NKAIN3: variants seen among roughly 807,000 people sequenced by gnomAD.
NKAIN3 encodes sodium/potassium-transporting ATPase subunit beta-1-interacting protein 3.
NKAIN3 carries 25 observed loss-of-function variants against 30.2 expected under a neutral mutation model. The observed-to-expected ratio is 0.83, with a 90% CI of 0.60 to 1.16. The LOEUF (loss-of-function observed/expected upper bound fraction) is 1.16. NKAIN3 is among the 50% of genes most tolerant of loss of function. NKAIN3 has a pLI of 0.00. For missense variants in NKAIN3, 225 were observed against 254.1 expected (o/e 0.89, Z 0.78); for synonymous variants, 91 against 89.6 (o/e 1.02, Z -0.09).
intron 1 of NKAIN3, among the ~76,000 whole-genome samples, chr8:62,445,245 T>A (rs1805449209): frequency 6.6e-6 from 1 of 151,606 alleles, no homozygotes; most frequent in South Asian, 2.1e-4. Flanking sequence ...CGCCCAACCT[T>A]GACTTGCATT....
At chr8:62,283,141 A>G (rs1416777090) in intron 1 of NKAIN3, among the ~76,000 whole-genome samples, 1 of 152,230 alleles carries the variant, frequency 6.6e-6, no homozygotes, top group Non-Finnish European at 1.5e-5. Context: ...TATGGAAGAC[A>G]GGGAAGACTA....
At chr8:62,517,928 A>ATC (rs113005270) in intron 1 of NKAIN3, among the ~76,000 whole-genome samples, 15,589 of 151,964 alleles carry the variant, frequency 0.1, 2,517 homozygotes, top group African/African-American at 0.35. Flanking sequence ...ATCTGTATCT[A>ATC]TATATATATA....
At chr8:62,626,365 C>T (rs1250578484) in intron 3 of NKAIN3, among the ~76,000 whole-genome samples, 3 of 152,090 alleles carry the variant, frequency 2.0e-5, no homozygotes, top group African/African-American at 7.2e-5. Context: ...GAATTCAGAT[C>T]AGTGAAGAAT....
intron 5 of NKAIN3, among the ~76,000 whole-genome samples, chr8:62,927,176 C>T (rs1822475540): frequency 6.6e-6 from 1 of 151,964 alleles, no homozygotes; most frequent in Admixed American, 6.6e-5. Flanking sequence ...CACTCCCTTC[C>T]TCACCCCCCT....
At chr8:62,297,040 C>G (rs911996435) in intron 1 of NKAIN3, among the ~76,000 whole-genome samples, 1 of 152,146 alleles carries the variant, frequency 6.6e-6, no homozygotes, top group African/African-American at 2.4e-5. Flanking sequence ...TTGCTTTTCT[C>G]TGCCACCATG....
Position 62,444,350 on chromosome 8 carries a change from CCTAA to C in NKAIN3, c.55-135186_55-135183del, listed in dbSNP as rs535393693. On this transcript the variant is annotated intron_variant, in intron 1 of 6. Coordinates refer to ENST00000623646, the MANE Select transcript of NKAIN3 (RefSeq NM_001304533.3). ...TGAACACTAGACCTTATTTCTTCTT[CCTAA>C]CTGTGTATTTGTACCCACTAATCAA... Among the ~76,000 whole-genome samples, 19 of 152,214 alleles carry C rather than the reference CCTAA, an allele frequency of 1.2e-4. No homozygotes were observed. In the South Asian group the frequency reaches 2.1e-3, roughly 17 times the overall value.
chr8:62,372,186 C>T (rs1034280054), intron 1 of NKAIN3, among the ~76,000 whole-genome samples: 2 of 151,182 alleles, frequency 1.3e-5, no homozygotes, highest in African/African-American at 4.9e-5. Flanking sequence ...AATCTTTTGC[C>T]TTTATGTATA....
intron 1 of NKAIN3, chr8:62,473,179 G>A (rs1806409647): frequency 6.6e-6 from 1 of 152,190 alleles, no homozygotes; most frequent in Non-Finnish European, 1.5e-5. Context: ...TGTCAGAGCA[G>A]CTAATTAGCT....
chr8:62,838,635 A>T (rs1248402173), intron 4 of NKAIN3, among the ~76,000 whole-genome samples: 2 of 151,920 alleles, frequency 1.3e-5, no homozygotes, highest in East Asian at 3.9e-4. Flanking sequence ...GGACTTATTG[A>T]CTCCATATAC....
At chr8:62,250,845 G>A (rs1812078612) in intron 1 of NKAIN3, among the ~76,000 whole-genome samples, 1 of 151,918 alleles carries the variant, frequency 6.6e-6, no homozygotes, top group Admixed American at 6.6e-5. Context: ...AGTCTTCCTT[G>A]GTGCTCCAGG....
chr8:62,578,555 A>G (rs573941832), intron 1 of NKAIN3, among the ~76,000 whole-genome samples: 2 of 152,248 alleles, frequency 1.3e-5, no homozygotes, highest in South Asian at 4.1e-4. Flanking sequence ...GTGGTTAGTC[A>G]TTATCACCAC....
intron 1 of NKAIN3, among the ~76,000 whole-genome samples, chr8:62,439,779 T>C (rs965949949): frequency 6.6e-6 from 1 of 152,244 alleles, no homozygotes; most frequent in African/African-American, 2.4e-5. Context: ...GAACATGAGG[T>C]GCAGTCAACA....
At chr8:62,460,404 TC>T (rs1282411280) in intron 1 of NKAIN3, among the ~76,000 whole-genome samples, 1 of 116,474 alleles carries the variant, frequency 8.6e-6, no homozygotes, top group Non-Finnish European at 1.8e-5. Flanking sequence ...AGAGTAAAAT[TC>T]CATCTCAAAA....
intron 1 of NKAIN3, among the ~76,000 whole-genome samples, chr8:62,319,850 G>A (rs1814808827): frequency 6.6e-6 from 1 of 152,110 alleles, no homozygotes; most frequent in Non-Finnish European, 1.5e-5. Context: ...TATTAGGTCT[G>A]CTTGGTGCTG....
chr8:62,403,019 T>C (rs540938660), intron 1 of NKAIN3, among the ~76,000 whole-genome samples: 1 of 152,212 alleles, frequency 6.6e-6, no homozygotes. Context: ...ACCAAAATGC[T>C]GATAGTGATA....
chr8:62,344,108 G>A (rs1329198128), intron 1 of NKAIN3, among the ~76,000 whole-genome samples: 1 of 152,120 alleles, frequency 6.6e-6, no homozygotes, highest in Admixed American at 6.6e-5. Flanking sequence ...AGCCAGGCTG[G>A]GGGGTGGAGG....
rs550087947 is a variant in NKAIN3, at chr8:62,759,401, T to A, written c.471+12272T>A. Among the ~76,000 whole-genome samples the A allele has an allele frequency of 2.0e-5, 3 of 152,256 alleles. No homozygotes were observed. In the South Asian group the frequency reaches 6.2e-4, roughly 32 times the overall value. On this transcript the variant is annotated intron_variant, in intron 4 of 6. Coordinates refer to ENST00000623646, the MANE Select transcript of NKAIN3 (RefSeq NM_001304533.3). ...ATCAATGGAGTAATAGGATTAGAAA[T>A]GTGCCTAAGTAAGATGAATTATGTA... is the stretch of plus-strand genomic sequence containing the variant.
chr8:62,839,377 A>T (rs1202350870), intron 4 of NKAIN3, among the ~76,000 whole-genome samples: 2 of 151,950 alleles, frequency 1.3e-5, no homozygotes, highest in East Asian at 3.9e-4. Context: ...TCTATCAAAC[A>T]AATTTGGATT....
rs567767086 is a variant in NKAIN3 at position 62,906,018 on chromosome 8, A to T, written c.472-12435A>T. ...GTAACTTCTTCCCCATCTCACCCCC[A>T]CAGAAAGTAGGCTGGCTTCACCTTA... is the stretch of plus-strand genomic sequence containing the variant. On this transcript the variant is annotated intron_variant, in intron 4 of 6. Transcript: ENST00000623646. 1.3e-4 allele frequency among the ~76,000 whole-genome samples: 20 copies of T among 152,236 alleles called. No individual in the cohort carries two copies. In the South Asian group the frequency reaches 3.7e-3, roughly 28 times the overall value.
Sources: allele counts gnomAD v4.1 joint callset (sites outside exome capture counted in the v4.1 genomes callset), GRCh38; gene constraint gnomAD v4.1.1; transcripts MANE v1.5; gene names NCBI Gene and HGNC (gene_info 2026-07-23, HGNC 2026-07-21).